The following PCDHA4 variants were observed in gnomAD, a reference collection of about 807,000 sequenced individuals.
PCDHA4 encodes the protein protocadherin alpha 4, also known as protocadherin alpha-4.
A neutral mutation model predicts 61.4 loss-of-function variants in PCDHA4; 49 were observed. The observed-to-expected ratio is 0.80, with a 90% CI of 0.63 to 1.01. The LOEUF is 1.01. PCDHA4 is among the 50% of genes least tolerant of loss of function. The pLI, the probability that PCDHA4 is intolerant of heterozygous loss-of-function variation, is 0.00. For missense variants in PCDHA4, 1,254 were observed against 1,235.8 expected (o/e 1.01, Z -0.22); for synonymous variants, 590 against 550.3 (o/e 1.07, Z -1.01).
chr5:140,836,704 C>T (rs189142588), intron 1 of PCDHA4: 1 of 1,613,294 alleles, frequency 6.2e-7, no homozygotes, highest in Admixed American at 1.7e-5. Flanking sequence ...GCCTTCAGTC[C>T]CAGCCTTCCT....
chr5:140,866,703 G>A (rs553518884), intron 1 of PCDHA4: 1 of 152,106 alleles, frequency 6.6e-6, no homozygotes, highest in East Asian at 1.9e-4. Flanking sequence ...AGTGGATGAC[G>A]TGCACTAGTA....
At chr5:140,851,722 C>T (rs2042141470) in intron 1 of PCDHA4, 8 of 966,996 alleles carry the variant, frequency 8.3e-6, no homozygotes, top group East Asian at 1.1e-4. Flanking sequence ...TTCGAAACTT[C>T]GAGTTCTTTT....
At chr5:140,998,295 A>G (rs2097805023) in intron 3 of PCDHA4, among the ~76,000 whole-genome samples, 1 of 152,206 alleles carries the variant, frequency 6.6e-6, no homozygotes, top group Non-Finnish European at 1.5e-5. Context: ...CAGATCACAC[A>G]TTTAGTAAGG....
At position 140,807,336 on chromosome 5, in the gene PCDHA4, A is replaced by C. The variant is rs1554123887; in HGVS notation, c.149A>C (p.Gln50Pro). ...KHGTFVGRIA[Q>P]DLGLELAELV... ...GGCACCTTCGTGGGCCGCATCGCGC[A>C]GGACCTGGGACTGGAGCTGGCGGAG... The change falls in exon 1 of 4, where the codon CAG becomes CCG. Residue 50 changes from glutamine (Q) to proline (P), a missense_variant. Coordinates refer to ENST00000530339, the MANE Select transcript of PCDHA4 (RefSeq NM_018907.4). 1 of 1,613,462 alleles carries C rather than the reference A, an allele frequency of 6.2e-7. No individual in the cohort carries two copies. Among genetic ancestry groups the C allele is most frequent in the Non-Finnish European group, 8.5e-7 (1 of 1,179,944 alleles).
At chr5:140,829,537 G>T (rs2150169697) in intron 1 of PCDHA4, 4 of 1,612,962 alleles carry the variant, frequency 2.5e-6, no homozygotes, top group Non-Finnish European at 3.4e-6. Flanking sequence ...CGCGAGACGC[G>T]GACGCGCAGG....
In PCDHA4 at chr5:140,858,397, C is replaced by T. The variant is rs781916951; in HGVS notation, c.2385+48825C>T. On this transcript the variant is annotated intron_variant, in intron 1 of 3. Coordinates refer to ENST00000530339, the MANE Select transcript of PCDHA4 (RefSeq NM_018907.4). ...CACCATGCCCAATGGTAGATGTGGA[C>T]GGGGAAGATCAGTCTATTGGAGGGG... is the stretch of plus-strand genomic sequence containing the variant. 2.5e-6 allele frequency: 4 copies of T among 1,573,184 alleles called. No individual in the cohort carries two copies. In the South Asian group the frequency reaches 4.5e-5, roughly 18 times the overall value.
intron 1 of PCDHA4, chr5:140,824,445 C>T (rs1945825147): frequency 2.2e-6 from 1 of 463,122 alleles, no homozygotes; most frequent in African/African-American, 2.0e-5. Context: ...CAGTTTATGA[C>T]TACATGAAAA....
At chr5:140,944,818 T>G (rs1490682721) in intron 1 of PCDHA4, among the ~76,000 whole-genome samples, 1 of 152,236 alleles carries the variant, frequency 6.6e-6, no homozygotes, top group East Asian at 1.9e-4. Context: ...CAGTGATCTT[T>G]GCCCCATAAT....
intron 1 of PCDHA4, chr5:140,863,107 G>A (rs1554157777): frequency 1.7e-6 from 1 of 582,652 alleles, no homozygotes; most frequent in Admixed American, 1.9e-5. Flanking sequence ...TACCCTGGAC[G>A]AGGCGAAAGC....
At chr5:140,993,470 A>T (rs1348899420) in intron 3 of PCDHA4, among the ~76,000 whole-genome samples, 10 of 115,268 alleles carry the variant, frequency 8.7e-5, no homozygotes, top group East Asian at 7.9e-4. Flanking sequence ...TCTCACACAC[A>T]CACACACACA....
chr5:140,948,722 A>G (rs2094296449), intron 1 of PCDHA4, among the ~76,000 whole-genome samples: 1 of 151,574 alleles, frequency 6.6e-6, no homozygotes, highest in Admixed American at 6.6e-5. Context: ...TTTTTTATCA[A>G]TAAGTCTAGC....
chr5:140,876,585 G>T, intron 1 of PCDHA4: 5 of 1,614,202 alleles, frequency 3.1e-6, no homozygotes, highest in Non-Finnish European at 4.2e-6. Context: ...TCATTGCCCT[G>T]ATTAGCGTGT....
intron 1 of PCDHA4, among the ~76,000 whole-genome samples, chr5:140,898,033 G>T (rs1293808474): frequency 2.6e-5 from 4 of 152,032 alleles, no homozygotes; most frequent in African/African-American, 9.7e-5. Flanking sequence ...TTTTGATGGG[G>T]TTGTTTGTTT....
At chr5:140,820,915 C>A (rs1258201028) in intron 1 of PCDHA4, among the ~76,000 whole-genome samples, 5 of 151,742 alleles carry the variant, frequency 3.3e-5, no homozygotes, top group Non-Finnish European at 7.4e-5. Context: ...TTCTATTATG[C>A]TTTTGATTTC....
rs782510264 is a variant in PCDHA4, at chr5:140,863,385, G to A, written c.2385+53813G>A. 4 of 1,030,862 alleles carry A rather than the reference G, an allele frequency of 3.9e-6. No homozygotes were observed. In the South Asian group the frequency reaches 4.9e-5, roughly 13 times the overall value. The allele number at this position is 1,030,862 out of a possible 1,614,324, so 63.9% of individuals were successfully genotyped here. ...GCTTGGCGCAGCTCACCGAGAGCTC[G>A]TGCATGCCGGGCAAGCCCACGCTGG... On this transcript the variant is annotated intron_variant, in intron 1 of 3. Transcript: ENST00000530339.
chr5:140,882,565 C>A (rs782122682), intron 1 of PCDHA4: 9 of 1,614,118 alleles, frequency 5.6e-6, no homozygotes, highest in African/African-American at 2.7e-5. Flanking sequence ...GTGGGCGGAG[C>A]GCGGAGTGCA....
intron 1 of PCDHA4, among the ~76,000 whole-genome samples, chr5:140,893,162 G>A (rs2063851714): frequency 6.6e-6 from 1 of 152,202 alleles, no homozygotes; most frequent in Non-Finnish European, 1.5e-5. Flanking sequence ...GGATATTGAG[G>A]TTGATTCCAC....
intron 1 of PCDHA4, among the ~76,000 whole-genome samples, chr5:140,898,476 G>A (rs1167001415): frequency 6.6e-6 from 1 of 152,072 alleles, no homozygotes; most frequent in Non-Finnish European, 1.5e-5. Flanking sequence ...TTTTTCTCAG[G>A]TTTGTCAAAG....
Position 140,853,516 on chromosome 5 carries a change from C to T in PCDHA4, c.2385+43944C>T, listed in dbSNP as rs546400632. On this transcript the variant is annotated intron_variant, in intron 1 of 3. Coordinates refer to ENST00000530339, the MANE Select transcript of PCDHA4 (RefSeq NM_018907.4). The stretch of plus-strand genomic sequence containing the variant: ...TTAGAATCATGAAACAATAATGAAG[C>T]TCCTCCTATGTCTCTTTTCAAGTTG... 3.7e-4 allele frequency: 362 copies of T among 976,264 alleles called. 18 individuals are homozygous for T. In the South Asian group the frequency reaches 0.015, roughly 41 times the overall value. The allele number at this position is 976,264 out of a possible 1,614,324, so 60.5% of individuals were successfully genotyped here.
Sources: gnomAD v4.1 joint callset for allele counts (sites outside exome capture counted in the v4.1 genomes callset) on GRCh38, gnomAD v4.1.1 for gene constraint, MANE v1.5 for transcripts, NCBI Gene and HGNC (gene_info 2026-07-23, HGNC 2026-07-21) for gene names.